PAK2: variants seen among roughly 807,000 people sequenced by gnomAD.
PAK2 encodes the protein serine/threonine-protein kinase PAK 2.
A neutral mutation model predicts 65.9 loss-of-function variants in PAK2; 21 were observed. The ratio of observed to expected loss-of-function variants is 0.32; its 90% confidence interval spans 0.23 to 0.46. PAK2 has a LOEUF of 0.46. PAK2 is among the 20% of genes least tolerant of loss of function. The pLI is 1.00. For missense variants in PAK2, 324 were observed against 642.6 expected (o/e 0.50, Z 5.36); for synonymous variants, 204 against 219.7 (o/e 0.93, Z 0.63).
chr3:196,807,714 T>C (rs1339801203), intron 6 of PAK2, 68 bp from the exon 7 acceptor site: 1 of 873,222 alleles, frequency 1.1e-6, no homozygotes, highest in Admixed American at 2.3e-5. Context: ...AGAACTGAAT[T>C]AGTTTGCCAG....
At chr3:196,763,603 A>G (rs1000640403) in intron 1 of PAK2, among the ~76,000 whole-genome samples, 1 of 152,180 alleles carries the variant, frequency 6.6e-6, no homozygotes, top group Non-Finnish European at 1.5e-5. Flanking sequence ...CAGAGGTCAC[A>G]TGACAGTAAA....
At chr3:196,785,730 A>T (rs1714864453) in intron 2 of PAK2, among the ~76,000 whole-genome samples, 1 of 152,230 alleles carries the variant, frequency 6.6e-6, no homozygotes, top group Non-Finnish European at 1.5e-5. Context: ...ACAGTTTCAC[A>T]TGGCTGGGGA....
intron 2 of PAK2, among the ~76,000 whole-genome samples, chr3:196,801,552 C>G (rs904858606): frequency 6.6e-6 from 1 of 152,108 alleles, no homozygotes; most frequent in Non-Finnish European, 1.5e-5. Flanking sequence ...AAAATATAAA[C>G]ATAATATGCC....
chr3:196,749,381 A>G (rs1361607489), intron 1 of PAK2, among the ~76,000 whole-genome samples: 1 of 152,086 alleles, frequency 6.6e-6, no homozygotes, highest in East Asian at 1.9e-4. Context: ...ACAGCAGTTC[A>G]GTTTCTCTAC....
chr3:196,783,354 A>G (rs953599892), intron 2 of PAK2, among the ~76,000 whole-genome samples: 2 of 152,128 alleles, frequency 1.3e-5, no homozygotes, highest in African/African-American at 2.4e-5. Context: ...CCTCAACACT[A>G]TTGACATCTT....
intron 11 of PAK2, among the ~76,000 whole-genome samples, chr3:196,817,252 C>A (rs570909359): frequency 6.7e-6 from 1 of 148,394 alleles, no homozygotes; most frequent in South Asian, 2.1e-4. Context: ...GCAATCTCTG[C>A]CTCCTGGATT....
chr3:196,805,793 G>A (rs1005261828), intron 5 of PAK2, among the ~76,000 whole-genome samples: 2 of 151,944 alleles, frequency 1.3e-5, no homozygotes, highest in African/African-American at 2.4e-5. Flanking sequence ...TTAAGTTATC[G>A]CATAAACACA....
intron 2 of PAK2, among the ~76,000 whole-genome samples, chr3:196,795,249 A>T (rs1715211837): frequency 1.3e-5 from 2 of 151,306 alleles, no homozygotes; most frequent in African/African-American, 4.9e-5. Flanking sequence ...TGAGCCCAGG[A>T]GTTCAAGACC....
At position 196,764,990 on chromosome 3, in the gene PAK2, A is replaced by G. The variant is rs1481209590; in HGVS notation, c.-21-17636A>G. Among the ~76,000 whole-genome samples, 5 of 150,264 alleles carry G rather than the reference A, an allele frequency of 3.3e-5. No homozygotes were observed. The East Asian group carries it at 7.9e-4, about 24-fold the overall frequency. ...CCTGAGTAGCTGGGACACTACAGGC[A>G]CCCGCCACCACGCCCAGCTAATTTT... On this transcript the variant is annotated intron_variant, in intron 1 of 14. Transcript: ENST00000327134.
chr3:196,742,616 T>C (rs1445981702), intron 1 of PAK2, among the ~76,000 whole-genome samples: 5 of 152,238 alleles, frequency 3.3e-5, no homozygotes, highest in Non-Finnish European at 4.4e-5. Flanking sequence ...GGTTAAAATT[T>C]GAAACTGGGT....
chr3:196,810,099 G>A (rs1715724326), intron 7 of PAK2, among the ~76,000 whole-genome samples: 1 of 151,802 alleles, frequency 6.6e-6, no homozygotes, highest in African/African-American at 2.4e-5. Flanking sequence ...GGTTTAGATA[G>A]CCTTTATTAT....
rs1354162932 is a variant in PAK2 at position 196,831,650 on chromosome 3, C to A, written c.*3245C>A. The A allele has an allele frequency of 1.3e-5, 2 of 152,166 alleles. No homozygotes were observed. Among genetic ancestry groups the A allele is most frequent in the African/African-American group, 4.8e-5 (2 of 41,436 alleles). The allele number at this position is 152,166 out of a possible 1,614,324, so 9.4% of individuals were successfully genotyped here. A position where few individuals can be genotyped will look rare whatever the true frequency, so the allele number is the denominator to read the frequency against. On this transcript the variant is annotated 3_prime_UTR_variant, in exon 15 of 15. Transcript: ENST00000327134. ...ATTTCTTTTAGGGCTCACTTAAATACATGTTTGTATATACTGTATTCTAGC... is the reference window on the plus strand; with the variant it reads ...ATTTCTTTTAGGGCTCACTTAAATAAATGTTTGTATATACTGTATTCTAGC...
At chr3:196,795,720 A>G (rs1715238075) in intron 2 of PAK2, among the ~76,000 whole-genome samples, 1 of 152,206 alleles carries the variant, frequency 6.6e-6, no homozygotes, top group Non-Finnish European at 1.5e-5. Flanking sequence ...AGAATTTTAA[A>G]TGCGTAAAAG....
intron 2 of PAK2, among the ~76,000 whole-genome samples, chr3:196,790,760 G>A (rs6806616): frequency 2.0e-5 from 3 of 152,050 alleles, no homozygotes; most frequent in Non-Finnish European, 2.9e-5. Context: ...AACTAGCCAA[G>A]GAAGCTTGCA....
rs1012752832 is a variant in PAK2, at chr3:196,778,010, G to A, written c.-21-4616G>A. Among the ~76,000 whole-genome samples, 57 of 152,060 alleles carry A rather than the reference G, an allele frequency of 3.7e-4. 1 individual carries two copies. The highest frequency in any genetic ancestry group is 1.3e-3 in the African/African-American group (55 of 41,408). ...CATACCGGAACATTTGCGTCCCCCA[G>A]AGAAACTTGATACCCATTAGGAGCC... On this transcript the variant is annotated intron_variant, in intron 1 of 14. Coordinates refer to ENST00000327134, the MANE Select transcript of PAK2 (RefSeq NM_002577.4).
At chr3:196,801,606 G>T (rs1191172624) in intron 2 of PAK2, among the ~76,000 whole-genome samples, 2 of 152,030 alleles carry the variant, frequency 1.3e-5, no homozygotes, top group African/African-American at 2.4e-5. Flanking sequence ...ACTTTGGGAG[G>T]CCAAGGCAGG....
intron 11 of PAK2, among the ~76,000 whole-genome samples, chr3:196,815,923 C>T (rs538564982): frequency 2.6e-5 from 4 of 152,152 alleles, no homozygotes; most frequent in African/African-American, 9.6e-5. Flanking sequence ...GTGAAGAAAC[C>T]GGTTATTTCT....
In PAK2 at chr3:196,805,920, T is replaced by A. The variant is rs60744279; in HGVS notation, c.468+537T>A. On this transcript the variant is annotated intron_variant, in intron 5 of 14. Coordinates refer to ENST00000327134, the MANE Select transcript of PAK2 (RefSeq NM_002577.4). ...TTTATTTATTTATTTATTTTATTTT[T>A]ATTTTTTTTGAGTTAGAGTCTCGCT... is the stretch of plus-strand genomic sequence containing the variant. 3.1e-3 allele frequency among the ~76,000 whole-genome samples: 471 copies of A among 151,458 alleles called. 2 individuals are homozygous for A. Among genetic ancestry groups the A allele is most frequent in the African/African-American group, 0.011 (449 of 41,426 alleles).
intron 1 of PAK2, among the ~76,000 whole-genome samples, chr3:196,746,525 G>C (rs555918431): frequency 6.6e-6 from 1 of 152,204 alleles, no homozygotes; most frequent in Non-Finnish European, 1.5e-5. Context: ...AGATTAATAA[G>C]AATAGGCCGG....
Sources: allele counts gnomAD v4.1 joint callset (sites outside exome capture counted in the v4.1 genomes callset), GRCh38; gene constraint gnomAD v4.1.1; transcripts MANE v1.5; gene names NCBI Gene and HGNC (gene_info 2026-07-23, HGNC 2026-07-21).